Variants in TMEM272 observed in about 807,000 individuals in gnomAD.
TMEM272 encodes transmembrane protein 272.
A neutral mutation model predicts 3.7 loss-of-function variants in TMEM272; 8 were observed. The observed-to-expected ratio is 2.17, with a 90% CI of 1.27 to 3.91. TMEM272 has a LOEUF of 3.91. TMEM272 is among the 30% of genes most tolerant of loss of function. The pLI is 0.00. For missense variants in TMEM272, 166 were observed against 91.5 expected (o/e 1.81, Z -3.32); for synonymous variants, 63 against 39.8 (o/e 1.58, Z -2.20).
At chr13:51,888,987 T>A in the TMEM272 span, among the ~76,000 whole-genome samples, 1 of 152,200 alleles carries the variant, frequency 6.6e-6, no homozygotes, top group Non-Finnish European at 1.5e-5. Context: ...GCCTCTCTGG[T>A]GATGTGTATT....
chr13:51,923,443 G>A, the TMEM272 span, among the ~76,000 whole-genome samples: 13 of 152,030 alleles, frequency 8.6e-5, no homozygotes, highest in Non-Finnish European at 1.0e-4. Flanking sequence ...AAAAGCAACA[G>A]TGTCAGTTGT....
At chr13:51,900,929 C>T in the TMEM272 span, among the ~76,000 whole-genome samples, 1 of 152,030 alleles carries the variant, frequency 6.6e-6, no homozygotes, top group African/African-American at 2.4e-5. Flanking sequence ...TCTGTAGAGA[C>T]AAAAAGTAGA....
the TMEM272 span, among the ~76,000 whole-genome samples, chr13:51,928,590 A>G: frequency 6.6e-6 from 1 of 152,194 alleles, no homozygotes; most frequent in East Asian, 1.9e-4. Flanking sequence ...ACTTGTGTGC[A>G]GGTTTCCTGT....
At chr13:51,875,375 C>T in the TMEM272 span, among the ~76,000 whole-genome samples, 4 of 152,124 alleles carry the variant, frequency 2.6e-5, no homozygotes, top group Non-Finnish European at 5.9e-5. Context: ...CTTTCATATG[C>T]CTTTCCCTTA....
chr13:51,910,120 C>T, the TMEM272 span: 13 of 1,018,648 alleles, frequency 1.3e-5, no homozygotes, highest in Non-Finnish European at 1.7e-5. Context: ...TTGGAAATAT[C>T]TGCCATCACC....
chr13:51,897,071 A>G, the TMEM272 span, among the ~76,000 whole-genome samples: 4 of 152,242 alleles, frequency 2.6e-5, no homozygotes, highest in African/African-American at 4.8e-5. Flanking sequence ...CTGGCACCAC[A>G]GGGTGATGCA....
At chr13:51,925,421 A>T in the TMEM272 span, among the ~76,000 whole-genome samples, 5 of 152,358 alleles carry the variant, frequency 3.3e-5, no homozygotes, top group East Asian at 9.6e-4. Context: ...GATTCTTAGA[A>T]CAGATGCTAC....
the TMEM272 span, among the ~76,000 whole-genome samples, chr13:51,856,966 G>A: frequency 6.6e-6 from 1 of 152,078 alleles, no homozygotes; most frequent in African/African-American, 2.4e-5. Context: ...ACTTCTATTT[G>A]GATTTCAGTG....
chr13:51,914,341 G>A, the TMEM272 span, among the ~76,000 whole-genome samples: 15 of 152,242 alleles, frequency 9.9e-5, no homozygotes, highest in African/African-American at 3.6e-4. Context: ...TAGCAGGGCT[G>A]AGCAGCACTG....
Position 51,824,768 on chromosome 13 carries a change from C to T in TMEM272, c.118+1798G>A, listed in dbSNP as rs372596675. Among the ~76,000 whole-genome samples, 9 of 152,162 alleles carry T rather than the reference C, an allele frequency of 5.9e-5. No individual in the cohort carries two copies. The East Asian group carries it at 1.5e-3, about 26-fold the overall frequency. On this transcript the variant is annotated intron_variant, in intron 3 of 4. Transcript: ENST00000629372. ...AGGAGTTCAAGACCAGCCTGGCCAA[C>T]GTGGTGAAACCCTGTCTCTACTAAA...
At chr13:51,864,167 T>C in the TMEM272 span, among the ~76,000 whole-genome samples, 1 of 152,018 alleles carries the variant, frequency 6.6e-6, no homozygotes, top group Admixed American at 6.6e-5. Flanking sequence ...CAGCTTTTAT[T>C]TTATTGTGAA....
At chr13:51,887,846 A>G in the TMEM272 span, among the ~76,000 whole-genome samples, 1 of 152,170 alleles carries the variant, frequency 6.6e-6, no homozygotes, top group African/African-American at 2.4e-5. Context: ...AGTAAAGGCA[A>G]GTTGGGCCAT....
the TMEM272 span, among the ~76,000 whole-genome samples, chr13:51,915,652 C>T: frequency 6.6e-6 from 1 of 152,184 alleles, no homozygotes; most frequent in Non-Finnish European, 1.5e-5. Context: ...TGGGAGTAGT[C>T]CTGGGTCCTG....
chr13:51,920,031 G>A, the TMEM272 span, among the ~76,000 whole-genome samples: 1 of 152,148 alleles, frequency 6.6e-6, no homozygotes. Flanking sequence ...GGCAATACGT[G>A]GAATTATTTT....
the TMEM272 span, among the ~76,000 whole-genome samples, chr13:51,902,640 A>C: frequency 6.6e-6 from 1 of 152,202 alleles, no homozygotes; most frequent in Non-Finnish European, 1.5e-5. Flanking sequence ...GCCACCCCAG[A>C]AGCAAGGCCA....
the TMEM272 span, among the ~76,000 whole-genome samples, chr13:51,854,818 AT>A: frequency 6.6e-6 from 1 of 152,192 alleles, no homozygotes; most frequent in Non-Finnish European, 1.5e-5. Context: ...AATTATTATT[AT>A]TGATTTATTT....
At chr13:51,833,101 G>C (rs991410656) in intron 2 of TMEM272, among the ~76,000 whole-genome samples, 2 of 152,144 alleles carry the variant, frequency 1.3e-5, no homozygotes, top group African/African-American at 4.8e-5. Flanking sequence ...CTGAGTTGTG[G>C]GGAGATGGCT....
At chr13:51,888,772 A>C in the TMEM272 span, among the ~76,000 whole-genome samples, 1 of 149,620 alleles carries the variant, frequency 6.7e-6, no homozygotes, top group Admixed American at 6.7e-5. Flanking sequence ...CAGCCTCCCA[A>C]GTAGTTGGGA....
chr13:51,816,636 T>C lies in TMEM272; in HGVS notation c.*115A>G. 3.3e-6 allele frequency: 2 copies of C among 603,768 alleles called. No homozygotes were observed. Among genetic ancestry groups the C allele is most frequent in the Non-Finnish European group, 3.0e-6 (1 of 337,118 alleles). 37.4% of individuals were successfully genotyped at this position (603,768 alleles called of 1,614,324 possible). On this transcript the variant is annotated 3_prime_UTR_variant, in exon 5 of 5. Transcript: ENST00000629372. Reference sequence around the variant, plus strand: ...CCTTCAGGGAAGGTTTTATTACCTTTATGCCCTTCTCTGAACCTGTGTGTG... The same window carrying C: ...CCTTCAGGGAAGGTTTTATTACCTTCATGCCCTTCTCTGAACCTGTGTGTG...
Sources: allele counts gnomAD v4.1 joint callset (sites outside exome capture counted in the v4.1 genomes callset), GRCh38; gene constraint gnomAD v4.1.1; transcripts MANE v1.5; gene names NCBI Gene and HGNC (gene_info 2026-07-23, HGNC 2026-07-21).